The following ABTB2 variants were observed in gnomAD, a reference collection of about 807,000 sequenced individuals.
ABTB2 encodes the protein ankyrin repeat and BTB domain containing 2, also known as ankyrin repeat and BTB/POZ domain-containing protein 2.
In ABTB2, 56 loss-of-function variants were observed where a neutral mutation model predicts 104.1. The observed-to-expected ratio is 0.54, with a 90% CI of 0.43 to 0.67. ABTB2 has a LOEUF of 0.67. Among genes scored for constraint, ABTB2 ranks in the 30% least tolerant of loss-of-function variants. The probability of loss-of-function intolerance (pLI) is 0.00; values close to 1 mark genes in which losing one functional copy is unlikely to be tolerated. For missense variants in ABTB2, 1,279 were observed against 1,407.7 expected, an observed-to-expected ratio of 0.91 and a Z score of 1.46; for synonymous variants, 606 against 608.2, an observed-to-expected ratio of 1.00 and a Z score of 0.05.
intron 1 of ABTB2, among the ~76,000 whole-genome samples, chr11:34,289,870 C>A (rs1854548320): frequency 6.6e-6 from 1 of 152,172 alleles, no homozygotes; most frequent in African/African-American, 2.4e-5. Context: ...ACAACCAGCT[C>A]CTGGGACTAA....
chr11:34,306,666 G>A (rs913307857), intron 1 of ABTB2, among the ~76,000 whole-genome samples: 2 of 151,994 alleles, frequency 1.3e-5, no homozygotes, highest in Non-Finnish European at 2.9e-5. Context: ...TGAGGCTGCA[G>A]TGAGCCATGA....
intron 1 of ABTB2, among the ~76,000 whole-genome samples, chr11:34,323,503 T>C (rs937817712): frequency 1.3e-5 from 2 of 152,214 alleles, no homozygotes; most frequent in Non-Finnish European, 2.9e-5. Context: ...CCTTGAGTCT[T>C]TCACATTTTT....
intron 1 of ABTB2, among the ~76,000 whole-genome samples, chr11:34,301,067 G>A (rs1854699492): frequency 6.6e-6 from 1 of 152,144 alleles, no homozygotes; most frequent in Non-Finnish European, 1.5e-5. Context: ...CATCTTTGTG[G>A]TCTCATGTCT....
intron 1 of ABTB2, among the ~76,000 whole-genome samples, chr11:34,249,429 A>G (rs1469238107): frequency 6.6e-6 from 1 of 152,242 alleles, no homozygotes; most frequent in Non-Finnish European, 1.5e-5. Flanking sequence ...GCCGTAAAGT[A>G]GCTTTGACAA....
chr11:34,351,272 A>G (rs893894312), intron 1 of ABTB2, among the ~76,000 whole-genome samples: 4 of 152,254 alleles, frequency 2.6e-5, no homozygotes, highest in Middle Eastern at 6.8e-3. Context: ...AGCAATAGTC[A>G]TCAACATAAA....
intron 1 of ABTB2, among the ~76,000 whole-genome samples, chr11:34,220,741 A>T (rs1162988666): frequency 6.6e-6 from 1 of 152,190 alleles, no homozygotes; most frequent in East Asian, 1.9e-4. Context: ...TAATAAATAA[A>T]TAACCCCCTG....
chr11:34,241,300 T>A (rs1290496379), intron 1 of ABTB2, among the ~76,000 whole-genome samples: 1 of 152,116 alleles, frequency 6.6e-6, no homozygotes, highest in Non-Finnish European at 1.5e-5. Context: ...AAAAGGAGAA[T>A]GTCATTAAAC....
At chr11:34,194,032 G>A (rs1287878125) in intron 3 of ABTB2, among the ~76,000 whole-genome samples, 1 of 152,226 alleles carries the variant, frequency 6.6e-6, no homozygotes, top group African/African-American at 2.4e-5. Flanking sequence ...GCCACAGTGA[G>A]CTCCACACAA....
intron 1 of ABTB2, among the ~76,000 whole-genome samples, chr11:34,276,457 A>C (rs577604227): frequency 6.6e-6 from 1 of 152,094 alleles, no homozygotes; most frequent in African/African-American, 2.4e-5. Flanking sequence ...CTAAAATCCT[A>C]CTTGGCTGTA....
chr11:34,241,713 G>A (rs1372919159), intron 1 of ABTB2, among the ~76,000 whole-genome samples: 3 of 152,190 alleles, frequency 2.0e-5, no homozygotes, highest in East Asian at 3.8e-4. Context: ...GCAAGATGGC[G>A]AGACCCCCAT....
intron 1 of ABTB2, among the ~76,000 whole-genome samples, chr11:34,222,052 C>T (rs527847559): frequency 1.3e-5 from 2 of 151,998 alleles, no homozygotes; most frequent in Non-Finnish European, 2.9e-5. Context: ...TCTCAAAAAA[C>T]AAAACAAAAC....
At chr11:34,273,052 C>T (rs917654990) in intron 1 of ABTB2, among the ~76,000 whole-genome samples, 12 of 152,122 alleles carry the variant, frequency 7.9e-5, no homozygotes, top group African/African-American at 2.9e-4. Flanking sequence ...CTTAAACCGT[C>T]CTGACATTTA....
In ABTB2 at chr11:34,357,019, C is replaced by A. The variant is rs1292819617; in HGVS notation, c.565G>T (p.Ala189Ser). 2.6e-6 allele frequency: 4 copies of A among 1,560,980 alleles called. No homozygotes were observed. Among genetic ancestry groups the A allele is most frequent in the South Asian group, 1.2e-5 (1 of 85,526 alleles). ...TTGCCCCGGCGCAGCCCGTCGCCGG[C>A]GCTCATGCTGTACAGGGACAGCGCC... is the stretch of plus-strand genomic sequence containing the variant. Reference protein sequence around the residue: ...VKALSLYSMSAGDGLRRGKSA... With the variant: ...VKALSLYSMSSGDGLRRGKSA... The change falls in exon 1 of 17, where the codon GCC becomes TCC. Residue 189 changes from alanine (A) to serine (S), a missense_variant. Coordinates refer to ENST00000435224, the MANE Select transcript of ABTB2 (RefSeq NM_145804.3).
intron 3 of ABTB2, among the ~76,000 whole-genome samples, chr11:34,181,773 G>A (rs1853031126): frequency 6.6e-6 from 1 of 152,182 alleles, no homozygotes; most frequent in South Asian, 2.1e-4. Context: ...GCTGTGGCCT[G>A]CCCCACCTGC....
intron 1 of ABTB2, among the ~76,000 whole-genome samples, chr11:34,234,797 A>G (rs1853819165): frequency 6.6e-6 from 1 of 152,150 alleles, no homozygotes; most frequent in Non-Finnish European, 1.5e-5. Flanking sequence ...TCTGCCACAG[A>G]AGAGGGCCCT....
chr11:34,296,732 C>T (rs1295528704), intron 1 of ABTB2, among the ~76,000 whole-genome samples: 2 of 152,162 alleles, frequency 1.3e-5, no homozygotes, highest in African/African-American at 4.8e-5. Flanking sequence ...ATCTGAAATG[C>T]TGTACGCTTC....
intron 7 of ABTB2, among the ~76,000 whole-genome samples, chr11:34,166,945 T>C (rs568117846): frequency 5.3e-5 from 8 of 152,152 alleles, no homozygotes; most frequent in Non-Finnish European, 1.2e-4. Flanking sequence ...GCGAGAAAGC[T>C]GAGTGGGACT....
intron 1 of ABTB2, among the ~76,000 whole-genome samples, chr11:34,313,494 G>A (rs1854884071): frequency 6.6e-6 from 1 of 152,234 alleles, no homozygotes; most frequent in Non-Finnish European, 1.5e-5. Flanking sequence ...GCCCCTTGGG[G>A]CCCAGGCTCC....
chr11:34,256,775 C>T (rs1854128171), intron 1 of ABTB2, among the ~76,000 whole-genome samples: 1 of 152,192 alleles, frequency 6.6e-6, no homozygotes, highest in South Asian at 2.1e-4. Flanking sequence ...TCTCAACACT[C>T]ACGCTCTTTC....
Sources: allele counts gnomAD v4.1 joint callset (sites outside exome capture counted in the v4.1 genomes callset), GRCh38; gene constraint gnomAD v4.1.1; transcripts MANE v1.5; gene names NCBI Gene and HGNC (gene_info 2026-07-23, HGNC 2026-07-21).